KRT82: variants seen among roughly 807,000 people sequenced by gnomAD.
The protein encoded by KRT82 is keratin 82.
A neutral mutation model predicts 48.0 loss-of-function variants in KRT82; 44 were observed. The ratio of observed to expected loss-of-function variants is 0.92; its 90% CI spans 0.72 to 1.18. The LOEUF is 1.18. KRT82 is among the 50% of genes most tolerant of loss of function. The pLI is 0.00. For missense variants in KRT82, 701 were observed against 671.4 expected, an observed-to-expected ratio of 1.04 and a Z score of -0.49; for synonymous variants, 297 against 278.3, an observed-to-expected ratio of 1.07 and a Z score of -0.67.
Position 52,396,232 on chromosome 12 carries a change from G to T in KRT82, c.1069C>A (p.Arg357Ser). 1 of 1,610,906 alleles carries T rather than the reference G, an allele frequency of 6.2e-7. No homozygotes were observed. Among genetic ancestry groups the T allele is most frequent in the Non-Finnish European group, 8.5e-7 (1 of 1,179,452 alleles). The change falls in exon 7 of 9, where the codon CGC (arginine) becomes AGC (serine). Residue 357 changes from arginine (R) to serine (S), a missense_variant and splice_region_variant. Coordinates refer to ENST00000257974, the MANE Select transcript of KRT82 (RefSeq NM_033033.4). ...GCTATGGCACCCTCAAGTTTGCAGC[G>T]CTGTGGGAGGGGCGCAGAAAAGCAT... The part of the protein sequence containing the change: ...QQETENVKAQ[R>S]CKLEGAIAEA...
In KRT82 at chr12:52,394,924, C is replaced by T; in HGVS notation, c.*51G>A. The T allele has an allele frequency of 1.3e-6, 2 of 1,491,424 alleles. No homozygotes were observed. Among genetic ancestry groups the T allele is most frequent in the Non-Finnish European group, 1.9e-6 (2 of 1,070,302 alleles). The allele number at this position is 1,491,424 out of a possible 1,614,324, so 92.4% of individuals were successfully genotyped here. A position where few individuals can be genotyped will look rare whatever the true frequency, so the allele number is the denominator to read the frequency against. ...GTCTTCAGCCCTGGTGGGAGTGTGA[C>T]ATCCAGGGCCATGGGGCAGGGGCTC... On this transcript the variant is annotated 3_prime_UTR_variant, in exon 9 of 9. Transcript: ENST00000257974.
At chr12:52,399,584 G>C (rs73306510) in intron 5 of KRT82, among the ~76,000 whole-genome samples, 6,116 of 152,276 alleles carry the variant, frequency 0.04, 403 homozygotes, top group African/African-American at 0.14. Context: ...TCTACCATTA[G>C]TAGCCACCCC....
chr12:52,403,543 C>T (rs1939814946), intron 2 of KRT82, among the ~76,000 whole-genome samples, 158 bp downstream of exon 2: 1 of 152,178 alleles, frequency 6.6e-6, no homozygotes, highest in Non-Finnish European at 1.5e-5. Context: ...CTACCGTGTG[C>T]CAAGTGGGGT....
intron 2 of KRT82, among the ~76,000 whole-genome samples, chr12:52,402,810 CTGACCCAAACCCTTA>C (rs1939806455): frequency 6.6e-6 from 1 of 152,238 alleles, no homozygotes; most frequent in Non-Finnish European, 1.5e-5. Context: ...CTCCACTTCA[CTGACCCAAACCCTTA>C]TGACCTGTTG....
intron 2 of KRT82, among the ~76,000 whole-genome samples, chr12:52,403,291 A>T (rs1450764353): frequency 6.6e-6 from 1 of 152,178 alleles, no homozygotes; most frequent in African/African-American, 2.4e-5. Flanking sequence ...AGATGCTGAC[A>T]GGGGTGTGTC....
rs745861629 is a variant in KRT82, at chr12:52,396,095, T to G, written c.1206A>C (p.Glu402Asp). ...GCTTGGAGTTCATCACCTCCTGATATTCCTTGAGCAGGCAGGCCATGTCCT... is the reference window on the plus strand; with the variant it reads ...GCTTGGAGTTCATCACCTCCTGATAGTCCTTGAGCAGGCAGGCCATGTCCT... ...AKQDMACLLK[E>D]YQEVMNSKLG... The change falls in exon 7 of 9, where the codon GAA (glutamate) becomes GAC (aspartate). Residue 402 changes from glutamate (E) to aspartate (D), a missense_variant. Physicochemically the swap from Glu to Asp is conservative, Grantham distance 45 (BLOSUM62 2). Coordinates refer to ENST00000257974, the MANE Select transcript of KRT82 (RefSeq NM_033033.4). 1 of 1,614,210 alleles carries G rather than the reference T, an allele frequency of 6.2e-7. No homozygotes were observed. The highest frequency in any genetic ancestry group is 1.7e-5 in the Admixed American group (1 of 60,026).
chr12:52,401,349 T>A lies in KRT82; in HGVS notation c.621A>T (p.Lys207Asn). The A allele has an allele frequency of 6.2e-7, 1 of 1,613,976 alleles. No homozygotes were observed. The highest frequency in any genetic ancestry group is 1.1e-5 in the South Asian group (1 of 91,076). Reference sequence around the variant, plus strand: ...GACGCAGGGAGAGCTCCTCTTCGTATCTGATGGAAAAGGCAGGAAAAAATG... The same window carrying A: ...GACGCAGGGAGAGCTCCTCTTCGTAACTGATGGAAAAGGCAGGAAAAAATG... ...LQAALEGYKK[K>N]YEEELSLRPC... Residue 207 changes from lysine (K) to asparagine (N), a missense_variant and splice_region_variant, in exon 3 of 9, where the codon AAA becomes AAT. By Grantham distance (94) the Lys-to-Asn change is moderately conservative (BLOSUM62 0). Coordinates refer to ENST00000257974, the MANE Select transcript of KRT82 (RefSeq NM_033033.4).
At chr12:52,400,301 C>A in intron 4 of KRT82, 152 bp from the exon 5 acceptor site, 1 of 888,118 alleles carries the variant, frequency 1.1e-6, no homozygotes. Context: ...TCCTTGTCCC[C>A]ACCCTCTGGT....
rs138552431 is a variant in KRT82, at chr12:52,395,774, C to A, written c.1306G>T (p.Gly436Trp). 228 of 1,553,542 alleles carry A rather than the reference C, an allele frequency of 1.5e-4. No homozygotes were observed. The highest frequency in any genetic ancestry group is 1.9e-4 in the Non-Finnish European group (219 of 1,154,198). ...GEEHRLCEGIGPVNISVSSSK... is the reference protein window; with the variant it reads ...GEEHRLCEGIWPVNISVSSSK... Reference sequence around the variant, plus strand: ...ATCTACTTACAGATATTCACGGGCCCGATGCCTTCGCACAGCCTGGGGATG... The same window carrying A: ...ATCTACTTACAGATATTCACGGGCCAGATGCCTTCGCACAGCCTGGGGATG... The change falls in exon 8 of 9, where the codon GGG (glycine) becomes TGG (tryptophan). Residue 436 changes from glycine (G) to tryptophan (W), a missense_variant. Gly to Trp is a radical substitution (Grantham distance 184). Transcript: ENST00000257974.
At position 52,400,118 on chromosome 12, in the gene KRT82, T is replaced by G; in HGVS notation, c.809A>C (p.Glu270Ala). The G allele has an allele frequency of 6.2e-7, 1 of 1,614,006 alleles. No individual in the cohort carries two copies. The highest frequency in any genetic ancestry group is 1.1e-5 in the South Asian group (1 of 91,078). The change falls in exon 5 of 9, where the codon GAG becomes GCG. Residue 270 changes from glutamate to alanine, a missense_variant. Coordinates refer to ENST00000257974, the MANE Select transcript of KRT82 (RefSeq NM_033033.4). ...GTCCATCTTCACAATGACCGAGGTC[T>G]CAGAGATCTGAGACTGGAGCAGGCA... ...EICLLQSQIS[E>A]TSVIVKMDNS... is the part of the protein sequence containing the mutation.
At chr12:52,402,020 G>C (rs1221155127) in intron 2 of KRT82, 1 of 152,214 alleles carries the variant, frequency 6.6e-6, no homozygotes, top group Non-Finnish European at 1.5e-5. Flanking sequence ...CCTGGACTCT[G>C]GAGCCTAGCC....
rs1018009772 is a variant in KRT82, at chr12:52,405,890, GGTT to G, written c.385_387del (p.Asn129del). The G allele has an allele frequency of 1.2e-6, 2 of 1,612,728 alleles. No homozygotes were observed. The highest frequency in any genetic ancestry group is 2.7e-5 in the African/African-American group (2 of 74,878). On this transcript the variant is annotated inframe_deletion, in exon 1 of 9. Transcript: ENST00000257974. ...ACCTTGTTGATGAAAGATGCGAAAC[GGTT>G]GTTGAGGCACTTGATCTGCTCCTTC... is the stretch of plus-strand genomic sequence containing the variant.
chr12:52,397,027 C>G lies in KRT82; in HGVS notation c.943-19G>C. ...CCTCATACTGCCAGGACAGAGAGGT[C>G]AGAGCCCCAGGCCCCACAAGATGGC... On this transcript the variant is annotated intron_variant, in intron 5 of 8. Coordinates refer to ENST00000257974, the MANE Select transcript of KRT82 (RefSeq NM_033033.4). The G allele has an allele frequency of 6.2e-7, 1 of 1,612,630 alleles. No homozygotes were observed.
Position 52,395,157 on chromosome 12 carries a change from A to G in KRT82, c.1360T>C (p.Cys454Arg), listed in dbSNP as rs1443727273. The G allele has an allele frequency of 1.9e-6, 3 of 1,613,934 alleles. No individual in the cohort carries two copies. Among genetic ancestry groups the G allele is most frequent in the Non-Finnish European group, 2.5e-6 (3 of 1,179,964 alleles). The change falls in exon 9 of 9, where the codon TGT becomes CGT. Residue 454 changes from cysteine to arginine, a missense_variant. Cys to Arg is a radical substitution (Grantham distance 180, BLOSUM62 -3). Coordinates refer to ENST00000257974, the MANE Select transcript of KRT82 (RefSeq NM_033033.4). ...CTGAGGACAGGCGTGCTGACCCCACATGGCTCGTACAGGAAGGCGCCTTTG... is the reference window on the plus strand; with the variant it reads ...CTGAGGACAGGCGTGCTGACCCCACGTGGCTCGTACAGGAAGGCGCCTTTG... The part of the protein sequence containing the change: ...SSKGAFLYEP[C>R]GVSTPVLSTG...
intron 1 of KRT82, among the ~76,000 whole-genome samples, chr12:52,404,119 T>A (rs1431349528): frequency 2.0e-5 from 3 of 152,190 alleles, no homozygotes; most frequent in Non-Finnish European, 4.4e-5. Context: ...GGACCCCTAC[T>A]TTCCACTCAG....
intron 2 of KRT82, chr12:52,402,073 C>T (rs915445866): frequency 6.6e-6 from 1 of 152,224 alleles, no homozygotes; most frequent in African/African-American, 2.4e-5. Context: ...AAGCTGTGGG[C>T]AAGTTGGGTA....
At chr12:52,397,093 C>A in intron 5 of KRT82, 85 bp from the exon 6 acceptor site, 1 of 1,513,422 alleles carries the variant, frequency 6.6e-7, no homozygotes, top group East Asian at 2.3e-5. Flanking sequence ...GTCTTTTCTC[C>A]CGTGACTTCC....
At chr12:52,405,243 G>C (rs978956516) in intron 1 of KRT82, among the ~76,000 whole-genome samples, 2 of 152,154 alleles carry the variant, frequency 1.3e-5, no homozygotes, top group African/African-American at 4.8e-5. Flanking sequence ...CTGTGCTGTA[G>C]ATGTGGGAAT....
At position 52,393,975 on chromosome 12, in the gene KRT82, A is replaced by G. The variant is rs1939670055; in HGVS notation, c.*1000T>C. On this transcript the variant is annotated 3_prime_UTR_variant, in exon 9 of 9. Transcript: ENST00000257974. ...TGAACAGAGTAGGTTTATTTTGAAC[A>G]GAAGCCCAGATGTTCAGGGCAGAGG... 6.6e-6 allele frequency: 1 copy of G among 152,226 alleles called. No individual in the cohort carries two copies. The highest frequency in any genetic ancestry group is 1.5e-5 in the Non-Finnish European group (1 of 68,044). The allele number at this position is 152,226 out of a possible 1,614,324, so 9.4% of individuals were successfully genotyped here.
Sources: allele counts gnomAD v4.1 joint callset (sites outside exome capture counted in the v4.1 genomes callset), GRCh38; gene constraint gnomAD v4.1.1; transcripts MANE v1.5; gene names NCBI Gene and HGNC (gene_info 2026-07-23, HGNC 2026-07-21).